The following PTPRN2 variants were observed in gnomAD, a reference collection of about 807,000 sequenced individuals.
PTPRN2 encodes the protein receptor-type tyrosine-protein phosphatase N2.
Under a neutral mutation model 118.8 loss-of-function variants are expected in PTPRN2, and 74 were observed. The observed-to-expected ratio is 0.62, with a 90% CI of 0.52 to 0.76. The LOEUF (loss-of-function observed/expected upper bound fraction) is 0.76, where lower values mean the gene tolerates loss of function less well. Among genes scored for constraint, PTPRN2 ranks in the 30% least tolerant of loss-of-function variants. PTPRN2 has a pLI of 0.00. For synonymous variants in PTPRN2, 641 were observed against 608.0 expected (o/e 1.05, Z -0.80); for missense variants, 1,481 against 1,394.4 (o/e 1.06, Z -0.99).
At chr7:157,876,893 G>A (rs933592538) in intron 12 of PTPRN2, among the ~76,000 whole-genome samples, 14 of 152,314 alleles carry the variant, frequency 9.2e-5, no homozygotes, top group African/African-American at 3.4e-4. Context: ...CACGCAGCTC[G>A]CCGGCCCTCC....
intron 2 of PTPRN2, among the ~76,000 whole-genome samples, chr7:158,317,984 G>A (rs1802481157): frequency 6.6e-6 from 1 of 152,214 alleles, no homozygotes; most frequent in Non-Finnish European, 1.5e-5. Context: ...AGGCAGCCTG[G>A]CAGCTGCGCG....
At chr7:157,546,280 T>G (rs1798316898) in intron 22 of PTPRN2, among the ~76,000 whole-genome samples, 1 of 152,226 alleles carries the variant, frequency 6.6e-6, no homozygotes, top group Non-Finnish European at 1.5e-5. Context: ...TTTATTTATT[T>G]ATTTATATTT....
intron 2 of PTPRN2, among the ~76,000 whole-genome samples, chr7:158,324,824 C>G (rs1219217081): frequency 6.6e-6 from 1 of 152,134 alleles, no homozygotes; most frequent in Admixed American, 6.5e-5. Context: ...GTGGACCGAA[C>G]AAGGTGGCTT....
intron 20 of PTPRN2, 58 bp downstream of exon 20, chr7:157,571,382 G>T: frequency 7.6e-7 from 1 of 1,308,434 alleles, no homozygotes; most frequent in Non-Finnish European, 1.1e-6. Context: ...GTATTTAATT[G>T]CATAGATTAG....
intron 3 of PTPRN2, among the ~76,000 whole-genome samples, chr7:158,234,735 A>G (rs2878538): frequency 0.51 from 77,189 of 152,070 alleles, 21,291 homozygotes; most frequent in African/African-American, 0.74. Context: ...CAAAATCACA[A>G]TGAGATATCA....
chr7:158,254,786 A>G (rs1289003970), intron 3 of PTPRN2, among the ~76,000 whole-genome samples: 1 of 152,244 alleles, frequency 6.6e-6, no homozygotes, highest in African/African-American at 2.4e-5. Flanking sequence ...TCACCTCCCT[A>G]CAGGACAGGA....
rs185787912 is a variant in PTPRN2, at chr7:158,245,522, C to A, written c.278-40249G>T. Among the ~76,000 whole-genome samples, 422 of 152,264 alleles carry A rather than the reference C, an allele frequency of 2.8e-3. 2 individuals are homozygous for A. Among genetic ancestry groups the A allele is most frequent in the African/African-American group, 9.1e-3 (379 of 41,510 alleles). Reference sequence around the variant, plus strand: ...GCCCTGGCCTGAGTCAAACCAGGGGCCTTTCATCCGAGCCGACCTCTTGAC... The same window carrying A: ...GCCCTGGCCTGAGTCAAACCAGGGGACTTTCATCCGAGCCGACCTCTTGAC... On this transcript the variant is annotated intron_variant, in intron 3 of 22. Coordinates refer to ENST00000389418, the MANE Select transcript of PTPRN2 (RefSeq NM_002847.5).
intron 11 of PTPRN2, among the ~76,000 whole-genome samples, chr7:158,052,236 T>C (rs868473371): frequency 6.6e-6 from 1 of 152,276 alleles, no homozygotes; most frequent in Admixed American, 6.5e-5. Context: ...TTATGCATTC[T>C]CCATCATAAG....
At chr7:158,543,371 A>G (rs1165656431) in intron 1 of PTPRN2, among the ~76,000 whole-genome samples, 2 of 152,240 alleles carry the variant, frequency 1.3e-5, no homozygotes. Context: ...GGCTGTTCCC[A>G]GCAGGGCTGT....
At chr7:157,809,111 AT>A (rs11286296) in intron 12 of PTPRN2, among the ~76,000 whole-genome samples, 35,842 of 152,234 alleles carry the variant, frequency 0.24, 6,010 homozygotes, top group African/African-American at 0.47. Flanking sequence ...AAAAACATGA[AT>A]TTTGTGGGTA....
chr7:158,320,520 G>A (rs777430643), intron 2 of PTPRN2, among the ~76,000 whole-genome samples: 4 of 56,886 alleles, frequency 7.0e-5, no homozygotes, highest in South Asian at 5.0e-4. Context: ...CCTCAGCAGC[G>A]CCAGGTGGCG....
At chr7:157,759,133 G>A (rs1431694205) in intron 12 of PTPRN2, among the ~76,000 whole-genome samples, 1 of 152,218 alleles carries the variant, frequency 6.6e-6, no homozygotes, top group Non-Finnish European at 1.5e-5. Flanking sequence ...CCTGGGGTTC[G>A]AGTCCCTGGA....
At chr7:158,248,224 C>T (rs547203763) in intron 3 of PTPRN2, among the ~76,000 whole-genome samples, 63 of 152,286 alleles carry the variant, frequency 4.1e-4, no homozygotes, top group Non-Finnish European at 5.3e-4. Flanking sequence ...CTCAAACCAT[C>T]GGGCTGGAGG....
At chr7:157,669,502 T>G in intron 13 of PTPRN2, 1 of 476,882 alleles carries the variant, frequency 2.1e-6, no homozygotes, top group East Asian at 6.4e-5. Flanking sequence ...TGCAGGCCCC[T>G]CCCCGCTCCT....
At position 157,587,154 on chromosome 7, in the gene PTPRN2, G is replaced by C. The variant is rs1407463140; in HGVS notation, c.2496+8084C>G. Among the ~76,000 whole-genome samples, 2 of 151,928 alleles carry C rather than the reference G, an allele frequency of 1.3e-5. No individual in the cohort carries two copies. The highest frequency in any genetic ancestry group is 3.9e-4 in the East Asian group (2 of 5,164). ...AGATACACAGGCAGGCAGACAGGCA[G>C]ACAGGCAGGCAGACAGACAAGACAG... On this transcript the variant is annotated intron_variant, in intron 17 of 22. Coordinates refer to ENST00000389418, the MANE Select transcript of PTPRN2 (RefSeq NM_002847.5). The surrounding 1 kb of genome is among the most constrained non-coding windows in gnomAD (Gnocchi z 5.3).
chr7:158,001,588 G>A (rs1025198575), intron 11 of PTPRN2, among the ~76,000 whole-genome samples: 1 of 151,896 alleles, frequency 6.6e-6, no homozygotes, highest in Non-Finnish European at 1.5e-5. Flanking sequence ...TCAGCCTCAC[G>A]GGCGCTCCCA....
chr7:158,586,842 C>CG (rs1346879322), intron 1 of PTPRN2, among the ~76,000 whole-genome samples: 2 of 152,140 alleles, frequency 1.3e-5, no homozygotes, highest in Non-Finnish European at 2.9e-5. Flanking sequence ...GGAACACGAG[C>CG]GGGGGGCGCA....
rs1463409426 is a variant in PTPRN2, at chr7:157,990,161, C to T, written c.1723+91137G>A. Among the ~76,000 whole-genome samples, 2 of 151,622 alleles carry T rather than the reference C, an allele frequency of 1.3e-5. No individual in the cohort carries two copies. Among genetic ancestry groups the T allele is most frequent in the African/African-American group, 4.9e-5 (2 of 41,218 alleles). On this transcript the variant is annotated intron_variant, in intron 11 of 22. Coordinates refer to ENST00000389418, the MANE Select transcript of PTPRN2 (RefSeq NM_002847.5). The surrounding 1 kb of genome is among the most constrained non-coding windows in gnomAD (Gnocchi z 4.3). ...CCAGGTGAAGCTGCAGCTGGGGACACGAGTTAATGTGAGTGCGAGCCCAGG... is the reference window on the plus strand; with the variant it reads ...CCAGGTGAAGCTGCAGCTGGGGACATGAGTTAATGTGAGTGCGAGCCCAGG...
intron 11 of PTPRN2, among the ~76,000 whole-genome samples, chr7:158,076,020 C>T (rs1305625233): frequency 6.6e-6 from 1 of 152,262 alleles, no homozygotes; most frequent in African/African-American, 2.4e-5. Context: ...GCTGGGATCC[C>T]TGTGCCTGGA....
Sources: allele counts gnomAD v4.1 joint callset (sites outside exome capture counted in the v4.1 genomes callset), GRCh38; gene constraint gnomAD v4.1.1; non-coding constraint Gnocchi (gnomAD v3.1); transcripts MANE v1.5; gene names NCBI Gene and HGNC (gene_info 2026-07-23, HGNC 2026-07-21).